JAK1: variants seen among roughly 807,000 people sequenced by gnomAD.
The protein encoded by JAK1 is tyrosine-protein kinase JAK1.
A neutral mutation model predicts 136.6 loss-of-function variants in JAK1; 16 were observed. The ratio of observed to expected loss-of-function variants is 0.12; its 90% CI spans 0.08 to 0.18. JAK1 has a LOEUF of 0.18. JAK1 is among the 10% of genes least tolerant of loss of function. The probability of loss-of-function intolerance (pLI) is 1.00; values close to 1 mark genes in which losing one functional copy is unlikely to be tolerated. For missense variants in JAK1, 859 were observed against 1,450.1 expected (o/e 0.59, Z 6.62); for synonymous variants, 492 against 519.5 (o/e 0.95, Z 0.72).
At chr1:64,873,893 C>A (rs545737370) in intron 4 of JAK1, among the ~76,000 whole-genome samples, 1 of 152,326 alleles carries the variant, frequency 6.6e-6, no homozygotes, top group South Asian at 2.1e-4. Flanking sequence ...TACCTCGAAT[C>A]CAAGACCAAT....
chr1:64,882,844 T>TTTTTA (rs1251205697), intron 3 of JAK1, among the ~76,000 whole-genome samples: 1 of 152,146 alleles, frequency 6.6e-6, no homozygotes, highest in African/African-American at 2.4e-5. Context: ...GGGGTCAAAC[T>TTTTTA]TTTTAGGAGA....
chr1:65,055,537 C>T (rs542205728), intron 1 of JAK1, among the ~76,000 whole-genome samples: 2 of 152,302 alleles, frequency 1.3e-5, no homozygotes, highest in South Asian at 2.1e-4. Context: ...CTGGATTATA[C>T]GGTATTCCTA....
chr1:64,954,520 C>G (rs1436241099), intron 1 of JAK1, among the ~76,000 whole-genome samples: 1 of 152,030 alleles, frequency 6.6e-6, no homozygotes, highest in Admixed American at 6.5e-5. Context: ...TCCACCAAAC[C>G]CACATCATGA....
At chr1:65,024,703 G>T (rs1052830025) in intron 2 of JAK1, among the ~76,000 whole-genome samples, 2 of 151,750 alleles carry the variant, frequency 1.3e-5, no homozygotes, top group Non-Finnish European at 2.9e-5. Flanking sequence ...AAGGCTAGGG[G>T]TGGTGGCTCA....
At chr1:64,930,166 C>T (rs1276414268) in intron 1 of JAK1, among the ~76,000 whole-genome samples, 1 of 152,126 alleles carries the variant, frequency 6.6e-6, no homozygotes, top group East Asian at 1.9e-4. Flanking sequence ...TCTAATTAAA[C>T]TAAAGAGCTT....
At chr1:64,929,634 T>C (rs1030108802) in intron 1 of JAK1, among the ~76,000 whole-genome samples, 7 of 152,196 alleles carry the variant, frequency 4.6e-5, no homozygotes, top group African/African-American at 1.7e-4. Context: ...TCTGAACATA[T>C]AAAATTAATC....
chr1:64,912,222 C>A (rs1028460018), intron 1 of JAK1, among the ~76,000 whole-genome samples: 1 of 152,180 alleles, frequency 6.6e-6, no homozygotes, highest in South Asian at 2.1e-4. Context: ...CCAGGTGATT[C>A]TGAGGCCCAT....
chr1:64,853,111 C>T (rs574945993), intron 11 of JAK1, among the ~76,000 whole-genome samples: 18 of 152,298 alleles, frequency 1.2e-4, no homozygotes, highest in African/African-American at 3.8e-4. Context: ...ATCAAAACCC[C>T]GTGGTTAGGA....
intron 11 of JAK1, among the ~76,000 whole-genome samples, chr1:64,852,488 T>C (rs575014685): frequency 6.6e-6 from 1 of 152,188 alleles, no homozygotes; most frequent in African/African-American, 2.4e-5. Context: ...CTCTGTTACC[T>C]GGGGAAAATC....
At chr1:65,033,668 G>A (rs1647044709) in intron 2 of JAK1, among the ~76,000 whole-genome samples, 1 of 149,328 alleles carries the variant, frequency 6.7e-6, no homozygotes, top group African/African-American at 2.5e-5. Context: ...CAGGAGGACT[G>A]CTTGAGGCCA....
At chr1:64,911,890 G>GACA (rs1645291312) in intron 1 of JAK1, among the ~76,000 whole-genome samples, 2 of 152,124 alleles carry the variant, frequency 1.3e-5, no homozygotes, top group Admixed American at 1.3e-4. Context: ...AAGGATCCTA[G>GACA]ACAACAACAA....
Position 64,984,752 on chromosome 1 carries a change from G to A in JAK1, c.-78+59728C>T. The A allele has an allele frequency of 1.1e-6, 1 of 945,750 alleles. No individual in the cohort carries two copies. Among genetic ancestry groups the A allele is most frequent in the South Asian group, 1.5e-5 (1 of 68,430 alleles). The allele number at this position is 945,750 out of a possible 1,614,324, so 58.6% of individuals were successfully genotyped here. A position where few individuals can be genotyped will look rare whatever the true frequency, so the allele number is the denominator to read the frequency against. ...TCCTGTAACACATCTCAGGGACTTTGAAGAAGGTAAAGATCAAGAAGGTAA... is the reference window on the plus strand; with the variant it reads ...TCCTGTAACACATCTCAGGGACTTTAAAGAAGGTAAAGATCAAGAAGGTAA... On this transcript the variant is annotated intron_variant, in intron 2 of 25. Coordinates refer to the JAK1 transcript ENST00000671954. The surrounding 1 kb of genome is among the most constrained non-coding windows in gnomAD (Gnocchi z 4.1).
chr1:64,975,238 GGCAT>G (rs1396274858), intron 2 of JAK1, among the ~76,000 whole-genome samples: 2 of 152,094 alleles, frequency 1.3e-5, no homozygotes, highest in African/African-American at 4.8e-5. Flanking sequence ...TAGGACTATA[GGCAT>G]GCACCACTGC....
At chr1:64,910,686 T>C (rs1645268916) in intron 1 of JAK1, among the ~76,000 whole-genome samples, 1 of 151,886 alleles carries the variant, frequency 6.6e-6, no homozygotes, top group Non-Finnish European at 1.5e-5. Flanking sequence ...ATACAAAAAT[T>C]AGCCAGGCAT....
chr1:64,840,750 TGA>T (rs1557622237), intron 19 of JAK1, among the ~76,000 whole-genome samples: 1 of 151,968 alleles, frequency 6.6e-6, no homozygotes, highest in Admixed American at 6.6e-5. Flanking sequence ...GAAGATTGCT[TGA>T]GCCTGGGAAG....
intron 13 of JAK1, 35 bp downstream of exon 13, chr1:64,847,497 G>A (rs757855997): frequency 1.9e-6 from 3 of 1,611,704 alleles, no homozygotes; most frequent in Non-Finnish European, 2.5e-6. Flanking sequence ...AGAAACGGGA[G>A]AGGGGAGGGG....
intron 1 of JAK1, among the ~76,000 whole-genome samples, chr1:64,960,916 C>T (rs1391506419): frequency 6.6e-6 from 1 of 152,186 alleles, no homozygotes; most frequent in East Asian, 1.9e-4. Context: ...ATTAACAATG[C>T]AACCTCAAAT....
At chr1:64,886,075 C>T (rs1445398662) in intron 2 of JAK1, among the ~76,000 whole-genome samples, 184 bp downstream of exon 2, 1 of 152,112 alleles carries the variant, frequency 6.6e-6, no homozygotes, top group African/African-American at 2.4e-5. Context: ...CTCTGTACCT[C>T]CTATACTTTT....
chr1:65,059,860 A>G (rs953865844), intron 1 of JAK1, among the ~76,000 whole-genome samples: 7 of 152,316 alleles, frequency 4.6e-5, no homozygotes, highest in Admixed American at 3.3e-4. Flanking sequence ...TTAGCACTGT[A>G]CTTCAAATAA....
Sources: gnomAD v4.1 joint callset for allele counts (sites outside exome capture counted in the v4.1 genomes callset) on GRCh38, gnomAD v4.1.1 for gene constraint, Gnocchi (gnomAD v3.1) non-coding constraint, MANE v1.5 for transcripts, NCBI Gene and HGNC (gene_info 2026-07-23, HGNC 2026-07-21) for gene names.